The following ANKS1B variants were observed in gnomAD, a reference collection of about 807,000 sequenced individuals.
The protein encoded by ANKS1B is ankyrin repeat and sterile alpha motif domain containing 1B.
ANKS1B carries 36 observed loss-of-function variants against 148.3 expected under a neutral mutation model. That is an observed-to-expected ratio of 0.24 (90% CI 0.19 to 0.32). The LOEUF is 0.32. Among genes scored for constraint, ANKS1B ranks in the 10% least tolerant of loss-of-function variants. ANKS1B has a pLI of 1.00. For synonymous variants in ANKS1B, 542 were observed against 560.8 expected (o/e 0.97, Z 0.47); for missense variants, 1,157 against 1,542.6 (o/e 0.75, Z 4.19).
Position 99,404,017 on chromosome 12 carries a change from T to C in ANKS1B, c.1576-4206A>G, listed in dbSNP as rs367874890. Among the ~76,000 whole-genome samples, 10 of 146,588 alleles carry C rather than the reference T, an allele frequency of 6.8e-5. No homozygotes were observed. In the East Asian group the frequency reaches 1.5e-3, roughly 23 times the overall value. ...AGCCATAAAAAAGAATTAGATCATG[T>C]CCTTTTCAGGAACATGGTTGGAGAC... On this transcript the variant is annotated intron_variant, in intron 11 of 26. Coordinates refer to ENST00000683438, the MANE Select transcript of ANKS1B (RefSeq NM_001352186.2).
At chr12:99,870,653 T>C (rs543137789) in intron 1 of ANKS1B, among the ~76,000 whole-genome samples, 1 of 152,340 alleles carries the variant, frequency 6.6e-6, no homozygotes, top group South Asian at 2.1e-4. Context: ...GGTTTTGATT[T>C]GAATTTCTCT....
chr12:99,436,850 G>C (rs2095469659), intron 11 of ANKS1B, among the ~76,000 whole-genome samples: 1 of 151,868 alleles, frequency 6.6e-6, no homozygotes, highest in South Asian at 2.1e-4. Context: ...TTAGTGTCTT[G>C]AGAGCTCTGA....
chr12:98,797,603 A>G (rs1480487847), intron 22 of ANKS1B, among the ~76,000 whole-genome samples: 7 of 152,202 alleles, frequency 4.6e-5, no homozygotes, highest in Admixed American at 1.3e-4. Context: ...ATTCACTGGT[A>G]CTGACAATTT....
chr12:99,946,085 T>C (rs1023193251), intron 1 of ANKS1B, among the ~76,000 whole-genome samples: 28 of 152,192 alleles, frequency 1.8e-4, no homozygotes, highest in African/African-American at 6.5e-4. Flanking sequence ...GGAGGTTGTT[T>C]GTTATGGAAG....
chr12:99,318,032 A>C (rs1174810158), intron 12 of ANKS1B, among the ~76,000 whole-genome samples: 1 of 152,188 alleles, frequency 6.6e-6, no homozygotes, highest in Non-Finnish European at 1.5e-5. Flanking sequence ...ATCGTGGTGG[A>C]TAAGATTTTT....
chr12:99,865,079 G>C (rs1278005742), intron 1 of ANKS1B, among the ~76,000 whole-genome samples: 1 of 152,208 alleles, frequency 6.6e-6, no homozygotes, highest in Non-Finnish European at 1.5e-5. Context: ...CTGACTGAAA[G>C]AGCCAGATAG....
intron 1 of ANKS1B, among the ~76,000 whole-genome samples, chr12:99,826,482 T>A (rs761351540): frequency 4.6e-5 from 7 of 152,010 alleles, no homozygotes; most frequent in Non-Finnish European, 8.8e-5. Flanking sequence ...AACACATGGA[T>A]CAATTGGAAG....
At chr12:98,999,262 T>C (rs2099931493) in intron 17 of ANKS1B, among the ~76,000 whole-genome samples, 1 of 152,234 alleles carries the variant, frequency 6.6e-6, no homozygotes, top group African/African-American at 2.4e-5. Context: ...ACTAGGGAAC[T>C]CTGCAGAGCA....
chr12:99,463,800 G>C (rs558807189), intron 10 of ANKS1B, among the ~76,000 whole-genome samples: 18 of 152,330 alleles, frequency 1.2e-4, no homozygotes, highest in African/African-American at 4.1e-4. Flanking sequence ...GCTCGAACTG[G>C]GTGGAGCCCA....
At chr12:99,201,190 A>G (rs1178755529) in intron 14 of ANKS1B, among the ~76,000 whole-genome samples, 1 of 152,212 alleles carries the variant, frequency 6.6e-6, no homozygotes, top group Non-Finnish European at 1.5e-5. Flanking sequence ...GGAGGTCATC[A>G]TAAGAATGTA....
chr12:99,860,340 A>C (rs1011811020), intron 1 of ANKS1B, among the ~76,000 whole-genome samples: 1 of 152,236 alleles, frequency 6.6e-6, no homozygotes, highest in Non-Finnish European at 1.5e-5. Context: ...AACAGGCCAT[A>C]CAGAGGGAAG....
chr12:99,721,898 T>C (rs894764959), intron 8 of ANKS1B, among the ~76,000 whole-genome samples: 2 of 152,214 alleles, frequency 1.3e-5, no homozygotes, highest in African/African-American at 4.8e-5. Context: ...AGTGGACACA[T>C]AAATGATAAG....
chr12:99,498,759 G>A (rs1386362178), intron 10 of ANKS1B, among the ~76,000 whole-genome samples: 2 of 152,014 alleles, frequency 1.3e-5, no homozygotes, highest in South Asian at 2.1e-4. Context: ...CAATTTGAGG[G>A]TCTCTAAAAG....
At chr12:99,272,525 T>C (rs2077162681) in intron 12 of ANKS1B, among the ~76,000 whole-genome samples, 1 of 152,188 alleles carries the variant, frequency 6.6e-6, no homozygotes, top group South Asian at 2.1e-4. Flanking sequence ...GGGATATCCA[T>C]CATGTTAAAC....
intron 14 of ANKS1B, among the ~76,000 whole-genome samples, chr12:99,218,456 T>C (rs956484545): frequency 6.6e-6 from 1 of 152,202 alleles, no homozygotes; most frequent in Non-Finnish European, 1.5e-5. Flanking sequence ...GCAATCTCTG[T>C]TTCTGTATAC....
At chr12:98,776,114 A>AT (rs1198155433) in intron 24 of ANKS1B, among the ~76,000 whole-genome samples, 5 of 152,210 alleles carry the variant, frequency 3.3e-5, no homozygotes, top group African/African-American at 1.2e-4. Flanking sequence ...ATCACTCTGC[A>AT]TTGTCTACCT....
chr12:99,076,431 G>A (rs1040915848), intron 16 of ANKS1B, among the ~76,000 whole-genome samples: 2 of 152,196 alleles, frequency 1.3e-5, no homozygotes, highest in African/African-American at 2.4e-5. Flanking sequence ...AGAGTATTGC[G>A]GCACAGAAAC....
chr12:99,285,276 G>T (rs2078980691), intron 12 of ANKS1B, among the ~76,000 whole-genome samples: 2 of 152,110 alleles, frequency 1.3e-5, no homozygotes, highest in Admixed American at 1.3e-4. Flanking sequence ...ATTTATCCAT[G>T]TTGTTTATAT....
chr12:99,765,396 T>C (rs2062552629), intron 8 of ANKS1B, among the ~76,000 whole-genome samples: 1 of 152,204 alleles, frequency 6.6e-6, no homozygotes, highest in South Asian at 2.1e-4. Context: ...ACGTAGCAGT[T>C]GTAGTCATCT....
Sources: gnomAD v4.1 joint callset for allele counts (sites outside exome capture counted in the v4.1 genomes callset) on GRCh38, gnomAD v4.1.1 for gene constraint, MANE v1.5 for transcripts, NCBI Gene and HGNC (gene_info 2026-07-23, HGNC 2026-07-21) for gene names.